MEI1: variants seen among roughly 807,000 people sequenced by gnomAD.
MEI1 encodes meiosis inhibitor protein 1.
In MEI1, 103 loss-of-function variants were observed where a neutral mutation model predicts 146.2. The observed-to-expected ratio is 0.70, with a 90% CI of 0.60 to 0.83. MEI1 has a LOEUF of 0.83. MEI1 is among the 40% of genes least tolerant of loss of function. MEI1 has a pLI of 0.00. For missense variants in MEI1, 1,529 were observed against 1,533.0 expected (o/e 1.00, Z 0.04); for synonymous variants, 652 against 628.2 (o/e 1.04, Z -0.57).
intron 17 of MEI1, among the ~76,000 whole-genome samples, chr22:41,754,967 G>T (rs922993226): frequency 6.6e-6 from 1 of 152,180 alleles, no homozygotes; most frequent in African/African-American, 2.4e-5. Context: ...CCTCCATGTG[G>T]AAGTGGTATG....
At chr22:41,767,877 A>G (rs890622381) in intron 19 of MEI1, among the ~76,000 whole-genome samples, 14 of 152,210 alleles carry the variant, frequency 9.2e-5, no homozygotes, top group Admixed American at 5.9e-4. Flanking sequence ...ATTATATAGC[A>G]TCAGGAGAGG....
chr22:41,713,658 C>T (rs2069818981), intron 3 of MEI1, among the ~76,000 whole-genome samples: 2 of 152,182 alleles, frequency 1.3e-5, no homozygotes, highest in South Asian at 4.1e-4. Flanking sequence ...AAGCAATTCT[C>T]CTGCCTCAAC....
chr22:41,717,047 G>A (rs2070273095), intron 5 of MEI1, among the ~76,000 whole-genome samples: 1 of 151,644 alleles, frequency 6.6e-6, no homozygotes, highest in South Asian at 2.1e-4. Context: ...CTTTTGGATG[G>A]AAGGAGGAAT....
chr22:41,728,098 T>A (rs148919076), intron 7 of MEI1, among the ~76,000 whole-genome samples: 53 of 152,324 alleles, frequency 3.5e-4, no homozygotes, highest in African/African-American at 1.2e-3. Flanking sequence ...TTGGCCCTGT[T>A]CATATGCCAG....
intron 2 of MEI1, 84 bp downstream of exon 2, chr22:41,703,538 A>T: frequency 1.5e-6 from 2 of 1,290,826 alleles, no homozygotes; most frequent in Non-Finnish European, 2.0e-6. Context: ...AAATGATCTT[A>T]GATGATTTAG....
intron 11 of MEI1, among the ~76,000 whole-genome samples, chr22:41,733,353 G>A (rs2413656): frequency 1.3e-5 from 2 of 151,790 alleles, no homozygotes; most frequent in Admixed American, 6.6e-5. Context: ...GAAGGCTGAG[G>A]TGGGAGGATT....
intron 6 of MEI1, among the ~76,000 whole-genome samples, chr22:41,723,159 T>A (rs1449999531): frequency 6.6e-6 from 1 of 152,222 alleles, no homozygotes; most frequent in Non-Finnish European, 1.5e-5. Context: ...TTTTCATGTA[T>A]TTGGGTATTT....
chr22:41,745,339 A>G (rs1226719751), intron 13 of MEI1, among the ~76,000 whole-genome samples: 1 of 152,170 alleles, frequency 6.6e-6, no homozygotes, highest in Non-Finnish European at 1.5e-5. Flanking sequence ...ACCACCCCCC[A>G]ACTAGCCTAG....
intron 1 of MEI1, 76 bp downstream of exon 1, chr22:41,699,788 G>A: frequency 6.8e-7 from 1 of 1,461,434 alleles, no homozygotes; most frequent in Non-Finnish European, 9.1e-7. Context: ...GCCCTTGCCA[G>A]ACCCGCTCCG....
chr22:41,725,443 A>G (rs2071246020), intron 7 of MEI1, among the ~76,000 whole-genome samples: 1 of 152,030 alleles, frequency 6.6e-6, no homozygotes, highest in Admixed American at 6.6e-5. Context: ...TCCCCTTCAC[A>G]TTTGGGCTGC....
In MEI1 at chr22:41,745,039, C is replaced by T. The variant is rs757329391; in HGVS notation, c.1513C>T (p.Leu505=). ...AAGGGGAAAGTTCCTCCTCAGCACT[C>T]TGGAGGGATTTAGAAGTGCCTGCAG... The part of the protein sequence containing the change: ...LQRGKFLLST[L]EGFRSACRLA... The change falls in exon 13 of 31, where the codon CTG becomes TTG. Residue 505 remains leucine (L), a synonymous_variant. Coordinates refer to ENST00000401548, the MANE Select transcript of MEI1 (RefSeq NM_152513.4). 14 of 1,561,578 alleles carry T rather than the reference C, an allele frequency of 9.0e-6. No individual in the cohort carries two copies. Among genetic ancestry groups the T allele is most frequent in the South Asian group, 1.2e-5 (1 of 83,696 alleles).
At chr22:41,758,937 G>A (rs2147926478) in intron 18 of MEI1, among the ~76,000 whole-genome samples, 1 of 152,320 alleles carries the variant, frequency 6.6e-6, no homozygotes, top group East Asian at 1.9e-4. Flanking sequence ...GAGGTCAGGA[G>A]TTCGAGACCA....
At chr22:41,716,352 ATTCTTTTTTTTTTTTTTTTTTTTT>A (rs776107316) in intron 5 of MEI1, among the ~76,000 whole-genome samples, 1 of 104,980 alleles carries the variant, frequency 9.5e-6, no homozygotes, top group African/African-American at 4.0e-5. Context: ...ATTTCCATTC[ATTCTTTTTTTTTTTTTTTTTTTTT>A]TTTTTTTTTT....
chr22:41,773,657 C>G (rs1298407051), intron 20 of MEI1, among the ~76,000 whole-genome samples: 2 of 151,340 alleles, frequency 1.3e-5, no homozygotes, highest in African/African-American at 4.9e-5. Context: ...GGGTGGGTCA[C>G]AAGGTCAGGA....
intron 3 of MEI1, among the ~76,000 whole-genome samples, chr22:41,711,854 CTTT>C (rs200012301): frequency 5.8e-4 from 88 of 150,876 alleles, no homozygotes; most frequent in African/African-American, 2.1e-3. Context: ...GCCTATAATT[CTTT>C]TTTTTTAGTA....
At chr22:41,744,156 C>T (rs5758449) in intron 12 of MEI1, among the ~76,000 whole-genome samples, 96,722 of 151,756 alleles carry the variant, frequency 0.64, 34,014 homozygotes, top group East Asian at 0.92. Flanking sequence ...TGATCCACTG[C>T]GCTGGGCCCC....
At chr22:41,714,879 TA>T (rs879680300) in intron 4 of MEI1, among the ~76,000 whole-genome samples, 107 of 145,452 alleles carry the variant, frequency 7.4e-4, no homozygotes, top group Non-Finnish European at 7.9e-4. Flanking sequence ...AGACTCCATC[TA>T]AAAAAAAAAA....
Position 41,699,533 on chromosome 22 carries a change from G to GA in MEI1, c.-5dup. 1 of 1,606,504 alleles carries GA rather than the reference G, an allele frequency of 6.2e-7. No homozygotes were observed. The highest frequency in any genetic ancestry group is 1.4e-5 in the African/African-American group (1 of 72,010). On this transcript the variant is annotated 5_prime_UTR_variant, in exon 1 of 31. Transcript: ENST00000401548. ...AGTGCCGCCTCAGCTGAGGGCAAGCGAGGAGATGGCTGTGAGGCAGGCGGC... is the reference window on the plus strand; with the variant it reads ...AGTGCCGCCTCAGCTGAGGGCAAGCGAAGGAGATGGCTGTGAGGCAGGCGGC...
intron 19 of MEI1, among the ~76,000 whole-genome samples, chr22:41,763,685 T>C (rs1602012553): frequency 1.3e-5 from 2 of 151,884 alleles, no homozygotes; most frequent in South Asian, 4.1e-4. Flanking sequence ...CTCCACCTTC[T>C]GGGTTCAAGC....
Sources: allele counts gnomAD v4.1 joint callset (sites outside exome capture counted in the v4.1 genomes callset), GRCh38; gene constraint gnomAD v4.1.1; transcripts MANE v1.5; gene names NCBI Gene and HGNC (gene_info 2026-07-23, HGNC 2026-07-21).